Variants in DPP10 observed in about 807,000 individuals in gnomAD.
DPP10 encodes dipeptidyl peptidase like 10.
DPP10 carries 33 observed loss-of-function variants against 120.9 expected under a neutral mutation model. That is an observed-to-expected ratio of 0.27 (90% CI 0.21 to 0.37). The LOEUF is 0.37. Ranked by LOEUF, DPP10 falls within the 10% of genes least tolerant of loss-of-function variation. The pLI, the probability that DPP10 is intolerant of heterozygous loss-of-function variation, is 1.00. For missense variants in DPP10, 816 were observed against 942.8 expected (o/e 0.87, Z 1.76); for synonymous variants, 337 against 326.1 (o/e 1.03, Z -0.36).
intron 1 of DPP10, among the ~76,000 whole-genome samples, chr2:115,036,269 C>A (rs1704221019): frequency 6.6e-6 from 1 of 152,122 alleles, no homozygotes. Context: ...GCCCCATGAT[C>A]CAATTACCTC....
At chr2:114,680,130 T>A (rs1698930730) in intron 1 of DPP10, among the ~76,000 whole-genome samples, 1 of 152,020 alleles carries the variant, frequency 6.6e-6, no homozygotes, top group East Asian at 1.9e-4. Context: ...CTAAATACTG[T>A]AACGTCAGTG....
At chr2:114,559,358 G>A (rs1688571237) in intron 1 of DPP10, among the ~76,000 whole-genome samples, 1 of 152,146 alleles carries the variant, frequency 6.6e-6, no homozygotes, top group African/African-American at 2.4e-5. Flanking sequence ...ACAAGTGAAA[G>A]AATGTGAACA....
At chr2:115,367,760 C>T (rs17044254) in intron 3 of DPP10, among the ~76,000 whole-genome samples, 4,135 of 151,974 alleles carry the variant, frequency 0.027, 72 homozygotes, top group South Asian at 0.06. Flanking sequence ...GTATGACTGA[C>T]ATTTATTTAT....
At chr2:115,424,645 T>G (rs770085733) in intron 3 of DPP10, among the ~76,000 whole-genome samples, 6 of 152,216 alleles carry the variant, frequency 3.9e-5, no homozygotes, top group Non-Finnish European at 8.8e-5. Flanking sequence ...TTTTAAAATA[T>G]ATATAGATAA....
intron 5 of DPP10, among the ~76,000 whole-genome samples, chr2:115,530,318 AC>A (rs2078384410): frequency 6.6e-6 from 1 of 152,132 alleles, no homozygotes; most frequent in African/African-American, 2.4e-5. Flanking sequence ...TATGACACAA[AC>A]ATTTATATCC....
chr2:115,815,133 T>C lies in DPP10; in HGVS notation c.1895+146T>C, dbSNP rs190760374. 7.0e-6 allele frequency: 5 copies of C among 710,174 alleles called. No homozygotes were observed. The East Asian group carries it at 1.2e-4, about 17-fold the overall frequency. 44.0% of individuals were successfully genotyped at this position (710,174 alleles called of 1,614,324 possible). A position where few individuals can be genotyped will look rare whatever the true frequency, so the allele number is the denominator to read the frequency against. On this transcript the variant is annotated intron_variant, in intron 20 of 25. Transcript: ENST00000410059. ...TTAATCATAAAGCCTATTTCATTTT[T>C]TTTTTGAAGTACCTGTCACCCTTAG... is the stretch of plus-strand genomic sequence containing the variant.
At chr2:114,580,209 C>T (rs997985098) in intron 1 of DPP10, among the ~76,000 whole-genome samples, 5 of 152,152 alleles carry the variant, frequency 3.3e-5, no homozygotes, top group Non-Finnish European at 5.9e-5. Flanking sequence ...GCCTTCTTAA[C>T]CCACACTTCC....
intron 3 of DPP10, among the ~76,000 whole-genome samples, chr2:115,387,718 T>G (rs2067043709): frequency 1.3e-5 from 2 of 152,204 alleles, no homozygotes; most frequent in South Asian, 2.1e-4. Context: ...GTCATAGCCA[T>G]GTTTCACTTG....
chr2:114,659,390 T>C (rs1034235592), intron 1 of DPP10, among the ~76,000 whole-genome samples: 3 of 152,110 alleles, frequency 2.0e-5, no homozygotes, highest in Non-Finnish European at 4.4e-5. Flanking sequence ...ACCACCTCAC[T>C]GGGGACTATT....
intron 1 of DPP10, among the ~76,000 whole-genome samples, chr2:114,774,974 G>A (rs534496160): frequency 3.3e-5 from 5 of 151,864 alleles, no homozygotes; most frequent in South Asian, 2.1e-4. Flanking sequence ...ACATTTTAGC[G>A]ATGAGAAAAT....
At chr2:115,138,934 TTAA>T (rs1393210794) in intron 1 of DPP10, among the ~76,000 whole-genome samples, 2 of 152,168 alleles carry the variant, frequency 1.3e-5, no homozygotes, top group Non-Finnish European at 2.9e-5. Flanking sequence ...CAAAATGTCT[TTAA>T]AATTGTCAAT....
At chr2:115,555,558 G>A (rs1335304625) in intron 5 of DPP10, among the ~76,000 whole-genome samples, 1 of 152,074 alleles carries the variant, frequency 6.6e-6, no homozygotes, top group Non-Finnish European at 1.5e-5. Context: ...TTCCTGAGAT[G>A]GGAGAAGGGA....
intron 1 of DPP10, among the ~76,000 whole-genome samples, chr2:114,639,766 A>G (rs578145903): frequency 1.3e-5 from 2 of 152,086 alleles, no homozygotes; most frequent in African/African-American, 2.4e-5. Context: ...ATACTAGACA[A>G]TTTATTTTTT....
intron 19 of DPP10, among the ~76,000 whole-genome samples, chr2:115,799,863 A>T (rs1473205107): frequency 6.6e-6 from 1 of 151,654 alleles, no homozygotes; most frequent in Admixed American, 6.6e-5. Context: ...GTTCCAAGTC[A>T]TTGCTATTGT....
chr2:115,049,142 G>T (rs534505127), intron 1 of DPP10, among the ~76,000 whole-genome samples: 34 of 151,804 alleles, frequency 2.2e-4, no homozygotes, highest in Non-Finnish European at 4.9e-4. Flanking sequence ...TAGAGCACTG[G>T]TACAATAATG....
At chr2:114,496,897 C>T (rs1682566599) in intron 1 of DPP10, among the ~76,000 whole-genome samples, 1 of 151,800 alleles carries the variant, frequency 6.6e-6, no homozygotes, top group Admixed American at 6.6e-5. Context: ...CTCCTCCAGC[C>T]TCTAATAGGT....
At chr2:115,095,522 T>C (rs1179378866) in intron 1 of DPP10, among the ~76,000 whole-genome samples, 2 of 152,042 alleles carry the variant, frequency 1.3e-5, no homozygotes, top group Non-Finnish European at 2.9e-5. Flanking sequence ...GTAAGATCTA[T>C]TCAGGAAAAT....
intron 5 of DPP10, among the ~76,000 whole-genome samples, chr2:115,604,356 T>C (rs2083559781): frequency 1.3e-5 from 2 of 152,184 alleles, no homozygotes; most frequent in African/African-American, 2.4e-5. Context: ...TAAGCTTTGT[T>C]ATCTAAAAAA....
At chr2:115,147,385 A>C (rs1276336365) in intron 1 of DPP10, among the ~76,000 whole-genome samples, 3 of 152,048 alleles carry the variant, frequency 2.0e-5, no homozygotes, top group Admixed American at 2.0e-4. Flanking sequence ...TAACAATAGA[A>C]TTGCCTGTGT....
Sources: gnomAD v4.1 joint callset for allele counts (sites outside exome capture counted in the v4.1 genomes callset) on GRCh38, gnomAD v4.1.1 for gene constraint, MANE v1.5 for transcripts, NCBI Gene and HGNC (gene_info 2026-07-23, HGNC 2026-07-21) for gene names.